FBXL13: variants seen among roughly 807,000 people sequenced by gnomAD.
The protein encoded by FBXL13 is F-box and leucine rich repeat protein 13.
Under a neutral mutation model 83.6 loss-of-function variants are expected in FBXL13, and 67 were observed. That is an observed-to-expected ratio of 0.80 (90% CI 0.66 to 0.98). The LOEUF is 0.98. Among genes scored for constraint, FBXL13 ranks in the 50% least tolerant of loss-of-function variants. The probability of loss-of-function intolerance (pLI) is 0.00; values close to 1 mark genes in which losing one functional copy is unlikely to be tolerated. For synonymous variants in FBXL13, 272 were observed against 299.5 expected (o/e 0.91, Z 0.95); for missense variants, 822 against 866.5 (o/e 0.95, Z 0.64).
intron 11 of FBXL13, among the ~76,000 whole-genome samples, chr7:102,900,997 G>A (rs749410927): frequency 6.9e-4 from 105 of 152,342 alleles, no homozygotes; most frequent in Admixed American, 3.9e-3. Context: ...GGCAGGCAAT[G>A]CGATTAAGTG....
chr7:102,846,729 A>T (rs1460606121), intron 17 of FBXL13, among the ~76,000 whole-genome samples: 1 of 39,650 alleles, frequency 2.5e-5, no homozygotes, highest in African/African-American at 9.1e-5. Flanking sequence ...TGCAAATAAT[A>T]CCCCAGTGTT....
chr7:102,889,121 G>C (rs1163111987), intron 11 of FBXL13, among the ~76,000 whole-genome samples: 1 of 152,220 alleles, frequency 6.6e-6, no homozygotes, highest in African/African-American at 2.4e-5. Context: ...AGAAGCAGGA[G>C]TAGGGGGTCT....
chr7:103,033,815 C>T (rs866294813), intron 2 of FBXL13, among the ~76,000 whole-genome samples: 7 of 152,248 alleles, frequency 4.6e-5, no homozygotes, highest in African/African-American at 1.7e-4. Context: ...GGGCAGCCTG[C>T]TTTTATTCTC....
chr7:102,845,574 C>T (rs543709578), intron 17 of FBXL13, among the ~76,000 whole-genome samples: 51 of 152,266 alleles, frequency 3.3e-4, no homozygotes, highest in Admixed American at 2.6e-4. Flanking sequence ...GCATGGACAT[C>T]GTCTTTAACC....
At chr7:103,052,656 T>C (rs1331211051) in intron 2 of FBXL13, among the ~76,000 whole-genome samples, 3 of 152,220 alleles carry the variant, frequency 2.0e-5, no homozygotes, top group Admixed American at 6.5e-5. Flanking sequence ...ACACCTTTTC[T>C]ATGCCTTGGC....
intron 1 of FBXL13, among the ~76,000 whole-genome samples, chr7:103,066,717 C>G (rs1271217740): frequency 6.6e-6 from 1 of 151,856 alleles, no homozygotes; most frequent in Non-Finnish European, 1.5e-5. Flanking sequence ...TTAAAAGCTA[C>G]TGTTTAAAAC....
intron 17 of FBXL13, among the ~76,000 whole-genome samples, chr7:102,840,373 TAAG>T (rs965862591): frequency 2.6e-5 from 4 of 152,256 alleles, no homozygotes; most frequent in Admixed American, 1.3e-4. Context: ...TACATTTCTC[TAAG>T]TTTATTTCAA....
intron 8 of FBXL13, among the ~76,000 whole-genome samples, chr7:102,956,419 C>T (rs1245726168): frequency 1.3e-5 from 2 of 151,626 alleles, no homozygotes; most frequent in African/African-American, 4.8e-5. Context: ...AAACCCACAG[C>T]CAATATCATA....
At chr7:102,919,405 A>G (rs1472966145) in intron 10 of FBXL13, among the ~76,000 whole-genome samples, 4 of 152,236 alleles carry the variant, frequency 2.6e-5, no homozygotes, top group African/African-American at 9.6e-5. Flanking sequence ...GATAAACTCT[A>G]AACAAATGCA....
At position 102,835,603 on chromosome 7, in the gene FBXL13, G is replaced by GTTTTTTTTT. The variant is rs776220490; in HGVS notation, c.1720-2638_1720-2630dup. Among the ~76,000 whole-genome samples, 13 of 97,520 alleles carry GTTTTTTTTT rather than the reference G, an allele frequency of 1.3e-4. 1 individual carries two copies. The highest frequency in any genetic ancestry group is 7.9e-4 in the East Asian group (2 of 2,538). 64.0% of individuals were successfully genotyped at this position (97,520 alleles called of 152,430 possible). On this transcript the variant is annotated intron_variant, in intron 17 of 19. Coordinates refer to ENST00000313221, the Ensembl canonical transcript of FBXL13. ...ATGTTGCAAGAAGTAAGGTGACATT[G>GTTTTTTTTT]TTTTTTTTTTTTTTTTTTTTTTTTG...
intron 8 of FBXL13, among the ~76,000 whole-genome samples, chr7:102,938,894 T>C (rs76621147): frequency 7.2e-5 from 11 of 152,234 alleles, no homozygotes; most frequent in African/African-American, 2.7e-4. Flanking sequence ...CCAGGACTGC[T>C]GCTGACAATC....
At chr7:102,949,213 A>T (rs1284389618) in intron 8 of FBXL13, among the ~76,000 whole-genome samples, 1 of 152,188 alleles carries the variant, frequency 6.6e-6, no homozygotes, top group African/African-American at 2.4e-5. Context: ...TAGCTGGGGT[A>T]GGGGTTGGTA....
intron 18 of FBXL13, among the ~76,000 whole-genome samples, chr7:102,830,624 T>C (rs868492432): frequency 1.8e-4 from 28 of 152,212 alleles, no homozygotes; most frequent in Non-Finnish European, 3.7e-4. Flanking sequence ...CACATCTTTT[T>C]CCCTGCTGCC....
chr7:103,051,160 A>G (rs2129495097), intron 2 of FBXL13, among the ~76,000 whole-genome samples: 1 of 152,328 alleles, frequency 6.6e-6, no homozygotes, highest in East Asian at 1.9e-4. Context: ...TAACTGAGCC[A>G]ATGATTTTTC....
intron 1 of FBXL13, among the ~76,000 whole-genome samples, chr7:103,063,376 T>A (rs1217871803): frequency 6.6e-6 from 1 of 152,238 alleles, no homozygotes; most frequent in East Asian, 1.9e-4. Context: ...AAAGATGATT[T>A]AAAGTATAGA....
chr7:103,064,825 A>G (rs753192514), intron 1 of FBXL13, among the ~76,000 whole-genome samples: 1 of 152,196 alleles, frequency 6.6e-6, no homozygotes, highest in African/African-American at 2.4e-5. Context: ...ATCAGCTACC[A>G]TACTGTGAGG....
At chr7:102,835,149 T>C (rs1801648926) in intron 17 of FBXL13, among the ~76,000 whole-genome samples, 1 of 152,220 alleles carries the variant, frequency 6.6e-6, no homozygotes, top group Non-Finnish European at 1.5e-5. Context: ...GATTCATTCT[T>C]TGATCTCATG....
At chr7:102,864,430 G>C (rs942494538) in intron 16 of FBXL13, among the ~76,000 whole-genome samples, 2 of 151,758 alleles carry the variant, frequency 1.3e-5, no homozygotes, top group African/African-American at 4.8e-5. Flanking sequence ...GTGCAATGGT[G>C]CAATTTCGGC....
intron 12 of FBXL13, 26 bp from the exon 14 acceptor site, chr7:102,883,711 T>A: frequency 7.1e-7 from 1 of 1,399,576 alleles, no homozygotes; most frequent in Non-Finnish European, 1.0e-6. Context: ...ATGATTAAAT[T>A]AATCAAGTGT....
Sources: allele counts gnomAD v4.1 joint callset (sites outside exome capture counted in the v4.1 genomes callset), GRCh38; gene constraint gnomAD v4.1.1; transcripts MANE v1.5; gene names NCBI Gene and HGNC (gene_info 2026-07-23, HGNC 2026-07-21).